The following RARB variants were observed in gnomAD, a reference collection of about 807,000 sequenced individuals.
RARB encodes retinoic acid receptor beta, also known as HBV-activated protein.
A neutral mutation model predicts 51.9 loss-of-function variants in RARB; 17 were observed. The ratio of observed to expected loss-of-function variants is 0.33; its 90% CI spans 0.22 to 0.49. The LOEUF is 0.49. Among genes scored for constraint, RARB ranks in the 20% least tolerant of loss-of-function variants. RARB has a pLI of 0.99. For missense variants in RARB, 369 were observed against 550.8 expected (o/e 0.67, Z 3.30); for synonymous variants, 215 against 195.4 (o/e 1.10, Z -0.84).
chr3:25,218,794 G>T (rs915849633), intron 5 of RARB, among the ~76,000 whole-genome samples: 1 of 152,150 alleles, frequency 6.6e-6, no homozygotes, highest in Non-Finnish European at 1.5e-5. Context: ...GGAAATCGAG[G>T]CTCAGAGAGG....
intron 4 of RARB, among the ~76,000 whole-genome samples, chr3:25,578,195 T>A (rs942707972): frequency 1.3e-5 from 2 of 152,244 alleles, no homozygotes; most frequent in African/African-American, 2.4e-5. Context: ...GGGCTCTCCA[T>A]TTGCCGCAGC....
At chr3:25,379,031 C>T (rs1049567919) in intron 5 of RARB, among the ~76,000 whole-genome samples, 1 of 152,136 alleles carries the variant, frequency 6.6e-6, no homozygotes, top group African/African-American at 2.4e-5. Context: ...AACATAACAA[C>T]ACTCGGCAAC....
chr3:24,897,242 T>C (rs1219915472), intron 2 of RARB, among the ~76,000 whole-genome samples: 2 of 152,192 alleles, frequency 1.3e-5, no homozygotes, highest in Non-Finnish European at 2.9e-5. Context: ...CAATTAAATG[T>C]GACCAAAATG....
intron 3 of RARB, among the ~76,000 whole-genome samples, chr3:25,552,584 C>T (rs759531580): frequency 1.8e-4 from 28 of 152,134 alleles, no homozygotes; most frequent in Non-Finnish European, 3.4e-4. Flanking sequence ...ATCAAGTGGG[C>T]ACCCCAAATC....
At chr3:25,160,327 A>T (rs1223674273) in intron 4 of RARB, among the ~76,000 whole-genome samples, 2 of 152,234 alleles carry the variant, frequency 1.3e-5, no homozygotes, top group African/African-American at 2.4e-5. Flanking sequence ...CACTTTCCCA[A>T]TAAAATTACT....
chr3:25,357,475 G>C (rs938918109), intron 5 of RARB, among the ~76,000 whole-genome samples: 6 of 152,150 alleles, frequency 3.9e-5, no homozygotes, highest in Middle Eastern at 3.2e-3. Flanking sequence ...TGTTCACTCT[G>C]ATGATAGTTT....
At chr3:25,072,987 C>T (rs112366692) in intron 3 of RARB, among the ~76,000 whole-genome samples, 12,643 of 152,070 alleles carry the variant, frequency 0.083, 718 homozygotes, top group Non-Finnish European at 0.12. Context: ...TGTGAGCCAC[C>T]GCGCCCGGCC....
chr3:25,565,816 C>T (rs1298613750), intron 3 of RARB, among the ~76,000 whole-genome samples: 1 of 152,092 alleles, frequency 6.6e-6, no homozygotes, highest in Non-Finnish European at 1.5e-5. Flanking sequence ...AGTCTACCTC[C>T]TTCCCACCAA....
At chr3:25,470,205 G>T (rs1695617955) in intron 2 of RARB, among the ~76,000 whole-genome samples, 1 of 152,172 alleles carries the variant, frequency 6.6e-6, no homozygotes, top group Admixed American at 6.5e-5. Flanking sequence ...AGTAGTTCAA[G>T]AGAGTGTCTG....
At chr3:25,029,489 G>C (rs1030500165) in intron 2 of RARB, among the ~76,000 whole-genome samples, 3 of 152,208 alleles carry the variant, frequency 2.0e-5, no homozygotes, top group Admixed American at 6.5e-5. Flanking sequence ...ATTCCAAGTG[G>C]AAAGTATTTC....
chr3:25,371,821 G>A (rs964120530), intron 5 of RARB, among the ~76,000 whole-genome samples: 4 of 152,178 alleles, frequency 2.6e-5, no homozygotes, highest in Non-Finnish European at 4.4e-5. Context: ...TAAATAATAG[G>A]TAAACCAGAA....
intron 4 of RARB, among the ~76,000 whole-genome samples, chr3:25,165,025 C>A (rs1700537058): frequency 6.6e-6 from 1 of 152,010 alleles, no homozygotes; most frequent in Non-Finnish European, 1.5e-5. Context: ...CTAAAAGGGG[C>A]AGTTAAGTAC....
chr3:25,134,544 G>C (rs896872039), intron 4 of RARB, among the ~76,000 whole-genome samples: 7 of 151,932 alleles, frequency 4.6e-5, no homozygotes, highest in Admixed American at 2.0e-4. Context: ...CTGGTACATA[G>C]TAATCATTCA....
intron 2 of RARB, among the ~76,000 whole-genome samples, chr3:25,493,998 C>A (rs941274473): frequency 4.6e-5 from 7 of 152,208 alleles, no homozygotes; most frequent in African/African-American, 1.7e-4. Context: ...TCTTGGGCTA[C>A]ATTCCTGCCT....
At chr3:25,019,510 C>G (rs1344171699) in intron 2 of RARB, among the ~76,000 whole-genome samples, 1 of 151,824 alleles carries the variant, frequency 6.6e-6, no homozygotes. Context: ...GGTTTATAAC[C>G]TTCTAAAAAT....
intron 2 of RARB, among the ~76,000 whole-genome samples, chr3:25,034,245 G>A (rs2125291508): frequency 6.6e-6 from 1 of 152,306 alleles, no homozygotes; most frequent in Non-Finnish European, 1.5e-5. Flanking sequence ...GGGAGGTGGA[G>A]TTTGCAGTGA....
intron 3 of RARB, among the ~76,000 whole-genome samples, chr3:25,086,509 A>G (rs1003227356): frequency 6.6e-6 from 1 of 152,164 alleles, no homozygotes; most frequent in African/African-American, 2.4e-5. Flanking sequence ...ATTTAAAGAG[A>G]TTTATTTTGA....
At chr3:25,538,565 G>C (rs978208768) in intron 3 of RARB, among the ~76,000 whole-genome samples, 15 of 152,272 alleles carry the variant, frequency 9.9e-5, no homozygotes, top group African/African-American at 3.6e-4. Flanking sequence ...CCACAAGTTA[G>C]GGCCTGACGT....
intron 3 of RARB, among the ~76,000 whole-genome samples, chr3:25,100,295 A>G (rs4527341): frequency 7.2e-4 from 110 of 152,336 alleles, no homozygotes; most frequent in Middle Eastern, 3.4e-3. Flanking sequence ...TTTAAATGTT[A>G]CAGTGCTTGG....
Sources: gnomAD v4.1 joint callset for allele counts (sites outside exome capture counted in the v4.1 genomes callset) on GRCh38, gnomAD v4.1.1 for gene constraint, MANE v1.5 for transcripts, NCBI Gene and HGNC (gene_info 2026-07-23, HGNC 2026-07-21) for gene names.